CEP250: variants seen among roughly 807,000 people sequenced by gnomAD.
CEP250 encodes centrosomal protein 250, also known as centrosome-associated protein CEP250.
A neutral mutation model predicts 315.7 loss-of-function variants in CEP250; 242 were observed. That is an observed-to-expected ratio of 0.77 (90% CI 0.69 to 0.85). The LOEUF (loss-of-function observed/expected upper bound fraction) is 0.85. CEP250 is among the 40% of genes least tolerant of loss of function. The pLI is 0.00. For synonymous variants in CEP250, 1,088 were observed against 1,175.0 expected, an observed-to-expected ratio of 0.93 and a Z score of 1.51; for missense variants, 2,515 against 2,886.4, an observed-to-expected ratio of 0.87 and a Z score of 2.95.
intron 20 of CEP250, among the ~76,000 whole-genome samples, chr20:35,488,894 T>C (rs886680112): frequency 1.3e-5 from 2 of 151,938 alleles, no homozygotes; most frequent in African/African-American, 2.4e-5. Context: ...CTCTAAGGCA[T>C]GAACATGTTG....
Position 35,508,098 on chromosome 20 carries a change from C to A in CEP250, c.6814C>A (p.Leu2272Ile). The A allele has an allele frequency of 1.9e-6, 3 of 1,614,158 alleles. No homozygotes were observed. Among genetic ancestry groups the A allele is most frequent in the Non-Finnish European group, 2.5e-6 (3 of 1,180,028 alleles). The change falls in exon 32 of 35, where the codon CTT becomes ATT. Residue 2272 changes from leucine (L) to isoleucine (I), a missense_variant. Physicochemically the swap from Leu to Ile is conservative, Grantham distance 5. Coordinates refer to ENST00000397527, the MANE Select transcript of CEP250 (RefSeq NM_007186.6). ...GGAGAAGCAGTCATGGAGACAAAGG[C>A]TTGAACACCTGCAGCAAGCAGTGGC... The part of the protein sequence containing the change: ...GMEKQSWRQR[L>I]EHLQQAVARL...
rs1253595161 is a variant in CEP250 at position 35,504,889 on chromosome 20, C to T, written c.6520C>T (p.Gln2174Ter). 1 of 1,614,212 alleles carries T rather than the reference C, an allele frequency of 6.2e-7. No homozygotes were observed. Among genetic ancestry groups the T allele is most frequent in the Non-Finnish European group, 8.5e-7 (1 of 1,180,040 alleles). ...AREIEWREKA[Q>*]DLALSLAQTK... ...GGAGATTGAGTGGAGGGAGAAGGCC[C>T]AGGACTTGGCACTCTCCCTAGCGCA... Residue 2174 changes from glutamine to a stop codon, truncating the protein, a stop_gained, in exon 30 of 35, where the codon CAG becomes TAG. Transcript: ENST00000397527. LOFTEE classifies it high-confidence loss of function.
chr20:35,476,165 T>C (rs1221131491), intron 15 of CEP250: 2 of 318,570 alleles, frequency 6.3e-6, no homozygotes, highest in Admixed American at 4.5e-5. Context: ...TTCCAAACTA[T>C]ATTAATATTT....
chr20:35,509,918 A>T, intron 33 of CEP250, 80 bp from the exon 34 acceptor site: 1 of 1,291,114 alleles, frequency 7.7e-7, no homozygotes, highest in Non-Finnish European at 1.1e-6. Flanking sequence ...TAAGATTGTG[A>T]TGAGGTTCTG....
Position 35,503,459 on chromosome 20 carries a change from G to C in CEP250, c.5090G>C (p.Arg1697Pro), listed in dbSNP as rs142095721. The change falls in exon 30 of 35, where the codon CGG becomes CCG. Residue 1697 changes from arginine (R) to proline (P), a missense_variant. Arg to Pro is a moderately radical substitution (Grantham distance 103). Coordinates refer to ENST00000397527, the MANE Select transcript of CEP250 (RefSeq NM_007186.6). The surrounding 1 kb of genome is among the most constrained non-coding windows in gnomAD (Gnocchi z 4.2). ...QIKLSLRERG[R>P]ELTTQRQLMQ... ...AAGCTGTCCTTGAGAGAGCGAGGCC[G>C]GGAGCTGACCACTCAGAGGCAGCTG... 14 of 1,614,134 alleles carry C rather than the reference G, an allele frequency of 8.7e-6. No individual in the cohort carries two copies. In the East Asian group the frequency reaches 2.9e-4, roughly 33 times the overall value.
At chr20:35,456,877 G>A (rs999088651) in intron 1 of CEP250, among the ~76,000 whole-genome samples, 1 of 151,588 alleles carries the variant, frequency 6.6e-6, no homozygotes, top group Non-Finnish European at 1.5e-5. Context: ...TGTCTCCCAG[G>A]TTCAGGCGAT....
chr20:35,455,420 C>T (rs1011258014), upstream of CEP250: 11 of 152,274 alleles, frequency 7.2e-5, no homozygotes, highest in African/African-American at 2.7e-4. Flanking sequence ...CCGCTTGCCT[C>T]AGCTTCTTGC....
At chr20:35,457,141 A>G (rs2062648663) in intron 1 of CEP250, among the ~76,000 whole-genome samples, 1 of 152,172 alleles carries the variant, frequency 6.6e-6, no homozygotes, top group African/African-American at 2.4e-5. Context: ...ACCATTGGTG[A>G]TAATATGGAT....
At chr20:35,476,965 C>T (rs186463185) in intron 16 of CEP250, among the ~76,000 whole-genome samples, 1 of 152,244 alleles carries the variant, frequency 6.6e-6, no homozygotes, top group Non-Finnish European at 1.5e-5. Flanking sequence ...TCTCCTGCCT[C>T]AGCCTCCTGA....
In CEP250 at chr20:35,518,314, A is replaced by G. The variant is rs1292603824; in HGVS notation, c.*6688A>G. 2.6e-5 allele frequency: 4 copies of G among 152,068 alleles called. No individual in the cohort carries two copies. The highest frequency in any genetic ancestry group is 1.9e-4 in the East Asian group (1 of 5,192). The allele number at this position is 152,068 out of a possible 1,614,324, so 9.4% of individuals were successfully genotyped here. ...ATTCCTAGACACCTGGTGCACCACA[A>G]TGTGTCAGGGATGTCGGTTTATGTG... On this transcript the variant is annotated 3_prime_UTR_variant, in exon 35 of 35. Transcript: ENST00000397527.
In CEP250 at chr20:35,511,511, C is replaced by T. The variant is rs1418616378; in HGVS notation, c.7214C>T (p.Thr2405Ile). Residue 2405 changes from threonine to isoleucine, a missense_variant, in exon 35 of 35, where the codon ACT becomes ATT. Thr to Ile is a moderately conservative substitution (Grantham distance 89, BLOSUM62 -1). Transcript: ENST00000397527. ...GCCGTGGCCCAGGCCCCTGAGGCCA[C>T]TGTCCTGGAGGCAGAGACCCGCAGG... ...LLAVAQAPEA[T>I]VLEAETRRLD... 2 of 1,614,200 alleles carry T rather than the reference C, an allele frequency of 1.2e-6. No homozygotes were observed. The highest frequency in any genetic ancestry group is 2.2e-5 in the South Asian group (2 of 91,080).
chr20:35,473,547 C>G lies in CEP250; in HGVS notation c.1383C>G (p.Leu461=), dbSNP rs773410352. The G allele has an allele frequency of 2.5e-6, 4 of 1,611,060 alleles. No homozygotes were observed. The highest frequency in any genetic ancestry group is 2.5e-6 in the Non-Finnish European group (3 of 1,178,454). The part of the protein sequence containing the change: ...TVDLQGEVDS[L]SKERELLQKA... ...ACCTCCAGGGAGAGGTGGACTCTCTCAGCAAGTGAGCAGACGGGCTGTTCA... is the reference window on the plus strand; with the variant it reads ...ACCTCCAGGGAGAGGTGGACTCTCTGAGCAAGTGAGCAGACGGGCTGTTCA... The change falls in exon 13 of 35, where the codon CTC becomes CTG. Residue 461 remains leucine (L), a synonymous_variant. Transcript: ENST00000397527.
rs781017212 is a variant in CEP250, at chr20:35,490,712, G to C, written c.2662G>C (p.Glu888Gln). 1 of 1,614,048 alleles carries C rather than the reference G, an allele frequency of 6.2e-7. No homozygotes were observed. The highest frequency in any genetic ancestry group is 1.7e-5 in the Admixed American group (1 of 60,016). Residue 888 changes from glutamate (E) to glutamine (Q), a missense_variant, in exon 21 of 35, where the codon GAA (glutamate) becomes CAA (glutamine). By Grantham distance (29) the Glu-to-Gln change is conservative. Transcript: ENST00000397527. ...CTTAGAAAGGGAAAAAATGGAGCTGGAAATGAGGCTAAAGGAGCAGCAGAC... is the reference window on the plus strand; with the variant it reads ...CTTAGAAAGGGAAAAAATGGAGCTGCAAATGAGGCTAAAGGAGCAGCAGAC... ...ESLEREKMEL[E>Q]MRLKEQQTEM...
At chr20:35,477,784 C>A in intron 16 of CEP250, 87 bp from the exon 17 acceptor site, 3 of 1,033,924 alleles carry the variant, frequency 2.9e-6, no homozygotes, top group Non-Finnish European at 4.3e-6. Flanking sequence ...AGATTCATAT[C>A]TCACTTGGAT....
At chr20:35,494,479 G>C (rs1053738307) in intron 23 of CEP250, 45 bp from the exon 24 acceptor site, 2 of 1,609,846 alleles carry the variant, frequency 1.2e-6, no homozygotes, top group Non-Finnish European at 1.7e-6. Flanking sequence ...CTTCCCACCG[G>C]CCCCCTGCCC....
In CEP250 at chr20:35,517,169, GC is replaced by G; in HGVS notation, c.*5546del. Reference sequence around the variant, plus strand: ...CTGGACCTATTCAGTCCTCAAGGGTGCCCTGCTAAAGGCTGGGCTGAAAGCT... The same window carrying G: ...CTGGACCTATTCAGTCCTCAAGGGTGCCTGCTAAAGGCTGGGCTGAAAGCT... On this transcript the variant is annotated 3_prime_UTR_variant, in exon 35 of 35. Coordinates refer to ENST00000397527, the MANE Select transcript of CEP250 (RefSeq NM_007186.6). The G allele has an allele frequency of 3.7e-6, 1 of 270,390 alleles. No homozygotes were observed. Among genetic ancestry groups the G allele is most frequent in the Non-Finnish European group, 5.7e-6 (1 of 175,936 alleles). 16.7% of individuals were successfully genotyped at this position (270,390 alleles called of 1,614,324 possible). A position where few individuals can be genotyped will look rare whatever the true frequency, so the allele number is the denominator to read the frequency against.
intron 13 of CEP250, 119 bp downstream of exon 13, chr20:35,473,671 C>T (rs1457435552): frequency 6.9e-6 from 8 of 1,158,788 alleles, no homozygotes; most frequent in African/African-American, 1.6e-5. Flanking sequence ...CCTTGAGACT[C>T]AGGGCTGTTT....
At chr20:35,462,148 C>A in intron 3 of CEP250, 117 bp from the exon 4 acceptor site, 1 of 382,888 alleles carries the variant, frequency 2.6e-6, no homozygotes, top group Admixed American at 4.1e-5. Flanking sequence ...GGGAATGATG[C>A]TCATCATAGC....
intron 1 of CEP250, among the ~76,000 whole-genome samples, chr20:35,456,553 C>T (rs577308129): frequency 6.6e-6 from 1 of 152,210 alleles, no homozygotes; most frequent in African/African-American, 2.4e-5. Flanking sequence ...TTTAGTTCTT[C>T]TATCTTTCTT....
Sources: gnomAD v4.1 joint callset for allele counts (sites outside exome capture counted in the v4.1 genomes callset) on GRCh38, gnomAD v4.1.1 for gene constraint, Gnocchi (gnomAD v3.1) non-coding constraint, MANE v1.5 for transcripts, NCBI Gene and HGNC (gene_info 2026-07-23, HGNC 2026-07-21) for gene names.